Variants in RALYL observed in about 807,000 individuals in gnomAD.
RALYL encodes RALY RNA binding protein like.
RALYL carries 29 observed loss-of-function variants against 35.1 expected under a neutral mutation model. The ratio of observed to expected loss-of-function variants is 0.83; its 90% CI spans 0.61 to 1.13. The LOEUF is 1.13. RALYL is among the 50% of genes most tolerant of loss of function. The pLI is 0.00. For synonymous variants in RALYL, 120 were observed against 127.6 expected (o/e 0.94, Z 0.40); for missense variants, 359 against 360.4 (o/e 1.00, Z 0.03).
intron 3 of RALYL, among the ~76,000 whole-genome samples, chr8:84,780,895 T>A (rs1307053862): frequency 6.6e-6 from 1 of 152,184 alleles, no homozygotes; most frequent in East Asian, 1.9e-4. Flanking sequence ...TCTCGCTTCA[T>A]CACCCAGGCT....
At chr8:84,183,197 C>A, upstream of RALYL, 1 of 155,196 alleles carries the variant, frequency 6.4e-6, no homozygotes, top group South Asian at 1.8e-4. Context: ...CCCCCTCTCG[C>A]CGGCGCCCTG....
chr8:84,372,278 T>C (rs1855875093), intron 1 of RALYL, among the ~76,000 whole-genome samples: 1 of 152,050 alleles, frequency 6.6e-6, no homozygotes, highest in African/African-American at 2.4e-5. Context: ...AAAGGGCAGG[T>C]ATTTGCCTTC....
chr8:84,477,546 T>G (rs2053567258), intron 1 of RALYL, among the ~76,000 whole-genome samples: 1 of 149,982 alleles, frequency 6.7e-6, no homozygotes. Context: ...ATGATACATG[T>G]ATATTAAATA....
chr8:84,882,670 A>T (rs1325216301), intron 7 of RALYL, among the ~76,000 whole-genome samples: 4 of 151,978 alleles, frequency 2.6e-5, no homozygotes, highest in Admixed American at 6.6e-5. Flanking sequence ...GTAAACAAAG[A>T]TGAATAATAA....
At chr8:84,516,355 T>G (rs554214847) in intron 1 of RALYL, among the ~76,000 whole-genome samples, 23 of 137,262 alleles carry the variant, frequency 1.7e-4, no homozygotes, top group Non-Finnish European at 3.0e-4. Flanking sequence ...TACTTTTTTT[T>G]GTATAATATT....
intron 1 of RALYL, among the ~76,000 whole-genome samples, chr8:84,218,512 G>C (rs150594256): frequency 3.5e-4 from 54 of 152,138 alleles, no homozygotes; most frequent in African/African-American, 1.2e-3. Context: ...ACATGAAATA[G>C]GGTAATTTTT....
At chr8:84,646,594 C>T (rs1827548650) in intron 2 of RALYL, among the ~76,000 whole-genome samples, 2 of 151,976 alleles carry the variant, frequency 1.3e-5, no homozygotes, top group Admixed American at 1.3e-4. Flanking sequence ...TTTTCTATGG[C>T]TATACTCTTC....
intron 1 of RALYL, among the ~76,000 whole-genome samples, chr8:84,455,600 T>G (rs575993073): frequency 1.3e-5 from 2 of 152,128 alleles, no homozygotes; most frequent in African/African-American, 2.4e-5. Flanking sequence ...GAAAAATGAA[T>G]TTAACCTAGA....
At chr8:84,354,557 G>A (rs1851480946) in intron 1 of RALYL, among the ~76,000 whole-genome samples, 1 of 150,252 alleles carries the variant, frequency 6.7e-6, no homozygotes, top group Admixed American at 6.6e-5. Flanking sequence ...TGTAGCTTCA[G>A]GACTTTCTCA....
intron 1 of RALYL, among the ~76,000 whole-genome samples, chr8:84,396,389 C>G (rs929706833): frequency 1.3e-5 from 2 of 151,982 alleles, no homozygotes; most frequent in Admixed American, 6.6e-5. Context: ...ATATTTCAAC[C>G]AGTAATGTTA....
Position 84,805,814 on chromosome 8 carries a change from C to G in RALYL, c.365+1012C>G, listed in dbSNP as rs1824456860. Among the ~76,000 whole-genome samples, 4 of 152,148 alleles carry G rather than the reference C, an allele frequency of 2.6e-5. No individual in the cohort carries two copies. The South Asian group carries it at 8.3e-4, about 31-fold the overall frequency. The stretch of plus-strand genomic sequence containing the variant: ...TGTATCTGATCAAATACTCCTTTGA[C>G]TAACATATTAAAGTGTATTATGAAA... On this transcript the variant is annotated intron_variant, in intron 4 of 8. Coordinates refer to ENST00000521268, the MANE Select transcript of RALYL (RefSeq NM_173848.7).
intron 2 of RALYL, among the ~76,000 whole-genome samples, chr8:84,592,657 A>G (rs891401558): frequency 6.6e-6 from 1 of 152,140 alleles, no homozygotes; most frequent in Non-Finnish European, 1.5e-5. Context: ...GGCTATTATA[A>G]TGGGACATAT....
chr8:84,433,655 C>CA (rs2047378583), intron 1 of RALYL, among the ~76,000 whole-genome samples: 1 of 151,930 alleles, frequency 6.6e-6, no homozygotes, highest in Non-Finnish European at 1.5e-5. Flanking sequence ...CCCTTGCTGC[C>CA]ACCATGTAAG....
At chr8:84,351,159 C>A (rs527335364) in intron 1 of RALYL, among the ~76,000 whole-genome samples, 1 of 150,066 alleles carries the variant, frequency 6.7e-6, no homozygotes, top group African/African-American at 2.5e-5. Context: ...TTATAACAGA[C>A]AAAACCAGTT....
chr8:84,279,698 C>T, intron 1 of RALYL, among the ~76,000 whole-genome samples: 1 of 152,076 alleles, frequency 6.6e-6, no homozygotes, highest in East Asian at 1.9e-4. Context: ...GCCCTCCCCT[C>T]AATTTTTTGG....
In RALYL at chr8:84,792,342, G is replaced by A. The variant is rs556450654; in HGVS notation, c.333-12428G>A. On this transcript the variant is annotated intron_variant, in intron 3 of 8. Transcript: ENST00000521268. ...TTCCCCTGGAGTTTGGCCACCCAGC[G>A]GCCAATCTCCTTTCCAACTGTCCCC... Among the ~76,000 whole-genome samples the A allele has an allele frequency of 2.8e-4, 43 of 152,194 alleles. No homozygotes were observed. In the Middle Eastern group the frequency reaches 0.017, roughly 60 times the overall value.
At chr8:84,748,620 A>G (rs943056948) in intron 2 of RALYL, among the ~76,000 whole-genome samples, 1 of 152,072 alleles carries the variant, frequency 6.6e-6, no homozygotes, top group African/African-American at 2.4e-5. Flanking sequence ...TTCTTATGTT[A>G]TCATGCTACC....
At chr8:84,263,949 C>CT (rs1309989044) in intron 1 of RALYL, among the ~76,000 whole-genome samples, 1 of 152,108 alleles carries the variant, frequency 6.6e-6, no homozygotes, top group Non-Finnish European at 1.5e-5. Context: ...TGATCTCATT[C>CT]TTTTTTATGG....
At chr8:84,449,158 A>G (rs746773300) in intron 1 of RALYL, among the ~76,000 whole-genome samples, 4 of 151,740 alleles carry the variant, frequency 2.6e-5, no homozygotes, top group Non-Finnish European at 5.9e-5. Context: ...CTTAAAAAAC[A>G]TAAGTTTGGG....
Sources: gnomAD v4.1 joint callset for allele counts (sites outside exome capture counted in the v4.1 genomes callset) on GRCh38, gnomAD v4.1.1 for gene constraint, MANE v1.5 for transcripts, NCBI Gene and HGNC (gene_info 2026-07-23, HGNC 2026-07-21) for gene names.